FLI1: variants seen among roughly 807,000 people sequenced by gnomAD.
FLI1 encodes Friend leukemia integration 1 transcription factor.
FLI1 carries 13 observed loss-of-function variants against 53.1 expected under a neutral mutation model. That is an observed-to-expected ratio of 0.24 (90% CI 0.16 to 0.39). The LOEUF is 0.39. FLI1 is among the 10% of genes least tolerant of loss of function. FLI1 has a pLI of 1.00. For synonymous variants in FLI1, 244 were observed against 236.7 expected (o/e 1.03, Z -0.28); for missense variants, 424 against 600.5 (o/e 0.71, Z 3.07).
At chr11:128,761,077 C>T (rs1193362560) in intron 2 of FLI1, among the ~76,000 whole-genome samples, 1 of 152,174 alleles carries the variant, frequency 6.6e-6, no homozygotes, top group Non-Finnish European at 1.5e-5. Context: ...CTTAGTGTGG[C>T]CCCACCATCC....
chr11:128,804,160 ACAAT>A (rs1159847637), intron 5 of FLI1: 19 of 152,382 alleles, frequency 1.2e-4, no homozygotes, highest in African/African-American at 2.9e-4. Context: ...TTAGCCAGAA[ACAAT>A]GAGGCCAGGC....
chr11:128,721,190 G>T (rs1021510805), intron 1 of FLI1, among the ~76,000 whole-genome samples: 1 of 152,148 alleles, frequency 6.6e-6, no homozygotes, highest in Non-Finnish European at 1.5e-5. Context: ...CAGACAGCTG[G>T]AATGGTCAAG....
intron 1 of FLI1, among the ~76,000 whole-genome samples, chr11:128,697,957 G>A (rs750887538): frequency 9.9e-5 from 15 of 152,160 alleles, no homozygotes; most frequent in Non-Finnish European, 1.8e-4. Flanking sequence ...AAGTAATGAC[G>A]CTATATAGCC....
intron 1 of FLI1, among the ~76,000 whole-genome samples, chr11:128,757,098 T>A (rs550289413): frequency 7.7e-6 from 1 of 130,266 alleles, no homozygotes; most frequent in Non-Finnish European, 1.6e-5. Context: ...CTTTCTTTCT[T>A]TCTTTCTTTC....
At position 128,810,802 on chromosome 11, in the gene FLI1, C is replaced by T. The variant is rs753098147; in HGVS notation, c.1173C>T (p.Tyr391=). 9.3e-6 allele frequency: 15 copies of T among 1,613,916 alleles called. No individual in the cohort carries two copies. The South Asian group carries it at 1.5e-4, about 17-fold the overall frequency. The change falls in exon 9 of 9, where the codon TAC becomes TAT. Residue 391 remains tyrosine, a synonymous_variant. Transcript: ENST00000527786. This position sits in a 1 kb window ranked among gnomAD's most constrained non-coding sequence, Gnocchi z 6.6. ...YPSDISYMPS[Y]HAHQQKVNFV... ...CTGACATCTCCTACATGCCTTCCTA[C>T]CATGCCCACCAGCAGAAGGTGAACT...
chr11:128,759,580 G>A (rs1013997718), intron 2 of FLI1, among the ~76,000 whole-genome samples: 1 of 152,230 alleles, frequency 6.6e-6, no homozygotes, highest in Non-Finnish European at 1.5e-5. Context: ...CAGGGCTTAG[G>A]TGAGTAAAGT....
chr11:128,801,353 ATC>A (rs1403810571), intron 5 of FLI1, among the ~76,000 whole-genome samples: 1 of 152,216 alleles, frequency 6.6e-6, no homozygotes, highest in Non-Finnish European at 1.5e-5. Flanking sequence ...TTATAGACAT[ATC>A]TCTGTGTGTA....
intron 1 of FLI1, among the ~76,000 whole-genome samples, chr11:128,700,921 A>C (rs1463237030): frequency 1.3e-5 from 2 of 152,216 alleles, no homozygotes; most frequent in African/African-American, 2.4e-5. Context: ...AGGAGGAATG[A>C]AAACTTGTGA....
intron 1 of FLI1, among the ~76,000 whole-genome samples, chr11:128,754,235 A>ATGTGTGTGTGTGTGTGTG (rs57171401): frequency 6.9e-6 from 1 of 145,682 alleles, no homozygotes; most frequent in African/African-American, 2.6e-5. Context: ...TAGAAGGGGG[A>ATGTGTGTGTGTGTGTGTG]TGTGTGTGTG....
intron 5 of FLI1, chr11:128,803,769 G>A (rs1441847031): frequency 6.6e-6 from 1 of 152,262 alleles, no homozygotes; most frequent in Non-Finnish European, 1.5e-5. Flanking sequence ...AAAATGTTCT[G>A]CCGCTGCCAA....
intron 5 of FLI1, among the ~76,000 whole-genome samples, chr11:128,784,505 C>T (rs1470823462): frequency 3.3e-5 from 5 of 152,170 alleles, no homozygotes; most frequent in Non-Finnish European, 5.9e-5. Flanking sequence ...CTCCCAACAT[C>T]GGGCCTGGCC....
intron 1 of FLI1, among the ~76,000 whole-genome samples, chr11:128,747,697 G>A (rs139543227): frequency 5.9e-5 from 9 of 152,284 alleles, no homozygotes; most frequent in East Asian, 3.9e-4. Context: ...GAGGAGCTTC[G>A]TCCCGGACGG....
upstream of FLI1, among the ~76,000 whole-genome samples, chr11:128,685,403 G>T (rs906754715): frequency 6.6e-6 from 1 of 152,218 alleles, no homozygotes; most frequent in East Asian, 1.9e-4. Context: ...GATCCTCTGG[G>T]GGCGATGCAG....
At chr11:128,690,543 C>A (rs1361070879), upstream of FLI1, among the ~76,000 whole-genome samples, 9 of 152,186 alleles carry the variant, frequency 5.9e-5, no homozygotes, top group East Asian at 1.7e-3. Context: ...AGCCAAGACA[C>A]GTTTCGACCC....
upstream of FLI1, among the ~76,000 whole-genome samples, chr11:128,685,632 G>T (rs191822188): frequency 2.0e-5 from 3 of 151,124 alleles, no homozygotes; most frequent in East Asian, 5.8e-4. Context: ...GGGCGGAGGC[G>T]GCGAAGGGAA....
intron 1 of FLI1, among the ~76,000 whole-genome samples, chr11:128,706,689 G>A (rs1938559525): frequency 1.3e-5 from 2 of 152,066 alleles, no homozygotes; most frequent in Admixed American, 6.6e-5. Flanking sequence ...TAACCCACAG[G>A]GACTCCTGCT....
chr11:128,739,001 T>G (rs756369086), intron 1 of FLI1, among the ~76,000 whole-genome samples: 6 of 152,228 alleles, frequency 3.9e-5, no homozygotes, highest in African/African-American at 1.2e-4. Context: ...TGTTTTCTGA[T>G]TAGAGTCTCT....
chr11:128,768,900 T>C (rs568279879), intron 3 of FLI1, among the ~76,000 whole-genome samples: 1 of 152,292 alleles, frequency 6.6e-6, no homozygotes, highest in Admixed American at 6.5e-5. Context: ...AGGAATCCCG[T>C]GAGCTCTGGA....
At chr11:128,792,166 G>T (rs1942293370) in intron 5 of FLI1, among the ~76,000 whole-genome samples, 1 of 152,136 alleles carries the variant, frequency 6.6e-6, no homozygotes, top group African/African-American at 2.4e-5. Flanking sequence ...GAATCACAAA[G>T]CTAGTATGAA....
Sources: allele counts gnomAD v4.1 joint callset (sites outside exome capture counted in the v4.1 genomes callset), GRCh38; gene constraint gnomAD v4.1.1; non-coding constraint Gnocchi (gnomAD v3.1); transcripts MANE v1.5; gene names NCBI Gene and HGNC (gene_info 2026-07-23, HGNC 2026-07-21).